The following SHISA6 variants were observed in gnomAD, a reference collection of about 807,000 sequenced individuals.
The protein encoded by SHISA6 is shisa family member 6, also known as protein shisa-6.
In SHISA6, 22 loss-of-function variants were observed where a neutral mutation model predicts 47.9. That is an observed-to-expected ratio of 0.46 (90% confidence interval 0.33 to 0.66). SHISA6 has a LOEUF of 0.66. SHISA6 is among the 30% of genes least tolerant of loss of function. SHISA6 has a pLI of 0.02. For missense variants in SHISA6, 680 were observed against 764.6 expected, an observed-to-expected ratio of 0.89 and a Z score of 1.30; for synonymous variants, 388 against 337.8, an observed-to-expected ratio of 1.15 and a Z score of -1.63.
intron 3 of SHISA6, among the ~76,000 whole-genome samples, chr17:11,518,183 T>C (rs2071600834): frequency 6.6e-6 from 1 of 152,138 alleles, no homozygotes; most frequent in African/African-American, 2.4e-5. Flanking sequence ...TAACTGTAAG[T>C]GTTGGCAGCT....
chr17:11,425,593 T>C (rs1567602782), intron 3 of SHISA6, among the ~76,000 whole-genome samples: 1 of 152,222 alleles, frequency 6.6e-6, no homozygotes, highest in Non-Finnish European at 1.5e-5. Context: ...CCAAATTGGC[T>C]TAATTAAAGT....
At chr17:11,553,342 A>G (rs760853741) in intron 4 of SHISA6, among the ~76,000 whole-genome samples, 8 of 152,170 alleles carry the variant, frequency 5.3e-5, no homozygotes, top group Non-Finnish European at 8.8e-5. Context: ...GAAGAGCCAG[A>G]AAAGGCACGC....
At position 11,241,842 on chromosome 17, in the gene SHISA6, C is replaced by T. The variant is rs1462418123; in HGVS notation, c.420C>T (p.Arg140=). 5.2e-6 allele frequency: 8 copies of T among 1,551,234 alleles called. No homozygotes were observed. The highest frequency in any genetic ancestry group is 1.2e-5 in the South Asian group (1 of 84,056). ...AGCGCCACGAGAAGCTGGACCAGCG[C>T]CAGTGCACCAACTACCAGAGCCCGG... ...CKKRHEKLDQ[R]QCTNYQSPVW... is the part of the protein sequence containing the mutation. Residue 140 remains arginine, a synonymous_variant, in exon 1 of 6, where the codon CGC becomes CGT. Transcript: ENST00000441885. This position sits in a 1 kb window ranked among gnomAD's most constrained non-coding sequence, Gnocchi z 5.5.
rs559697825 is a variant in SHISA6 at position 11,300,922 on chromosome 17, C to T, written c.799+37396C>T. ...AAGAACATACTGTAATTGTTCAGCC[C>T]TGTATGGGGTGGGGGGAGAGAAAAT... On this transcript the variant is annotated intron_variant, in intron 2 of 5. Coordinates refer to ENST00000441885, the MANE Select transcript of SHISA6 (RefSeq NM_207386.4). Among the ~76,000 whole-genome samples, 5 of 151,294 alleles carry T rather than the reference C, an allele frequency of 3.3e-5. No homozygotes were observed. The East Asian group carries it at 9.8e-4, about 30-fold the overall frequency.
At chr17:11,550,229 G>T (rs953541133) in intron 3 of SHISA6, among the ~76,000 whole-genome samples, 3 of 152,052 alleles carry the variant, frequency 2.0e-5, no homozygotes. Context: ...TATAATTTTT[G>T]TATTCTTGGT....
chr17:11,283,931 T>TA (rs1490659338), intron 2 of SHISA6, among the ~76,000 whole-genome samples: 2 of 152,222 alleles, frequency 1.3e-5, no homozygotes, highest in African/African-American at 4.8e-5. Context: ...TCAGACTTGA[T>TA]AGTTTTTTTG....
At chr17:11,307,155 T>G (rs1320613282) in intron 2 of SHISA6, among the ~76,000 whole-genome samples, 1 of 151,114 alleles carries the variant, frequency 6.6e-6, no homozygotes, top group Non-Finnish European at 1.5e-5. Flanking sequence ...TTTTTTTTCT[T>G]TTTTTCTTTT....
rs558986631 is a variant in SHISA6, at chr17:11,405,543, C to T, written c.895+26034C>T. Among the ~76,000 whole-genome samples, 3 of 152,266 alleles carry T rather than the reference C, an allele frequency of 2.0e-5. No individual in the cohort carries two copies. The East Asian group carries it at 5.8e-4, about 29-fold the overall frequency. On this transcript the variant is annotated intron_variant, in intron 3 of 5. Coordinates refer to ENST00000441885, the MANE Select transcript of SHISA6 (RefSeq NM_207386.4). ...TCTGGGCCAGGCGCAGTGGCTCACA[C>T]CTGTGATCCCAGCACTTTGGGAGGC... is the stretch of plus-strand genomic sequence containing the variant.
At chr17:11,398,859 G>C (rs534615164) in intron 3 of SHISA6, among the ~76,000 whole-genome samples, 4 of 152,090 alleles carry the variant, frequency 2.6e-5, no homozygotes, top group African/African-American at 9.6e-5. Context: ...CCAAAGTCCT[G>C]GGATTACAGG....
At chr17:11,333,892 A>T (rs757263705) in intron 2 of SHISA6, among the ~76,000 whole-genome samples, 15 of 152,212 alleles carry the variant, frequency 9.9e-5, no homozygotes, top group South Asian at 2.1e-4. Flanking sequence ...TCTGGAGAGC[A>T]TGTGGAGGCG....
chr17:11,523,003 G>A (rs1006342565), intron 3 of SHISA6, among the ~76,000 whole-genome samples: 12 of 152,168 alleles, frequency 7.9e-5, no homozygotes, highest in Admixed American at 2.0e-4. Flanking sequence ...TTAAGCAGAC[G>A]TTTTTGAAGA....
At chr17:11,526,221 T>C (rs1597569333) in intron 3 of SHISA6, among the ~76,000 whole-genome samples, 1 of 152,182 alleles carries the variant, frequency 6.6e-6, no homozygotes, top group Non-Finnish European at 1.5e-5. Flanking sequence ...ATCATTTCTT[T>C]CAGCTAAACT....
intron 2 of SHISA6, among the ~76,000 whole-genome samples, chr17:11,340,509 G>A (rs1176633761): frequency 2.0e-5 from 3 of 152,220 alleles, no homozygotes; most frequent in Admixed American, 6.5e-5. Context: ...ACTTGCTACA[G>A]CATTGCTTCT....
intron 2 of SHISA6, among the ~76,000 whole-genome samples, chr17:11,305,277 C>T (rs531817867): frequency 2.0e-5 from 3 of 152,340 alleles, no homozygotes; most frequent in Admixed American, 1.3e-4. Flanking sequence ...AAACTAGCTA[C>T]TTCATGGATC....
chr17:11,447,285 T>C (rs1915263735), intron 3 of SHISA6, among the ~76,000 whole-genome samples: 1 of 152,186 alleles, frequency 6.6e-6, no homozygotes, highest in African/African-American at 2.4e-5. Context: ...GTCTCTGAAT[T>C]AAGGATGATC....
intron 2 of SHISA6, chr17:11,290,610 A>C (rs975075488): frequency 1.3e-5 from 2 of 152,072 alleles, no homozygotes; most frequent in Admixed American, 6.6e-5. Flanking sequence ...TCGGCCTCCT[A>C]AAGTGCTGGG....
At chr17:11,379,785 C>T in intron 3 of SHISA6, 1 of 338,020 alleles carries the variant, frequency 3.0e-6, no homozygotes, top group Non-Finnish European at 5.4e-6. Context: ...GAAGGGACCA[C>T]AGGGAGTGTG....
chr17:11,351,179 A>G (rs1015756561), intron 2 of SHISA6, among the ~76,000 whole-genome samples: 3 of 152,076 alleles, frequency 2.0e-5, no homozygotes, highest in Non-Finnish European at 2.9e-5. Flanking sequence ...ATTAAGAGAA[A>G]TGTGTAAGGC....
At chr17:11,271,029 G>C (rs996702827) in intron 2 of SHISA6, among the ~76,000 whole-genome samples, 1 of 152,196 alleles carries the variant, frequency 6.6e-6, no homozygotes, top group South Asian at 2.1e-4. Flanking sequence ...AGGGTCTCTA[G>C]GGTGCAAATG....
Sources: gnomAD v4.1 joint callset for allele counts (sites outside exome capture counted in the v4.1 genomes callset) on GRCh38, gnomAD v4.1.1 for gene constraint, Gnocchi (gnomAD v3.1) non-coding constraint, MANE v1.5 for transcripts, NCBI Gene and HGNC (gene_info 2026-07-23, HGNC 2026-07-21) for gene names.